ARL8B: variants seen among roughly 807,000 people sequenced by gnomAD.
ARL8B encodes ARF like GTPase 8B.
ARL8B carries 9 observed loss-of-function variants against 30.6 expected under a neutral mutation model. The ratio of observed to expected loss-of-function variants is 0.29; its 90% CI spans 0.18 to 0.51. ARL8B has a LOEUF of 0.51. Among genes scored for constraint, ARL8B ranks in the 20% least tolerant of loss-of-function variants. The probability of loss-of-function intolerance (pLI) is 0.97; values close to 1 mark genes in which losing one functional copy is unlikely to be tolerated. For missense variants in ARL8B, 130 were observed against 227.2 expected (o/e 0.57, Z 2.75); for synonymous variants, 74 against 76.0 (o/e 0.97, Z 0.14).
intron 1 of ARL8B, among the ~76,000 whole-genome samples, chr3:5,126,746 C>T (rs1276080381): frequency 2.6e-5 from 4 of 151,972 alleles, no homozygotes; most frequent in Admixed American, 6.6e-5. Flanking sequence ...AAAGAAACAC[C>T]CTAGTCTTGT....
chr3:5,173,380 CA>C (rs1478966260), intron 4 of ARL8B, among the ~76,000 whole-genome samples: 1 of 152,152 alleles, frequency 6.6e-6, no homozygotes, highest in Non-Finnish European at 1.5e-5. Context: ...AAAAAATTTC[CA>C]AAATTCGAAA....
chr3:5,172,253 T>C, intron 3 of ARL8B, 30 bp downstream of exon 3: 1 of 1,582,248 alleles, frequency 6.3e-7, no homozygotes, highest in South Asian at 1.1e-5. Flanking sequence ...TTGTTTGCTT[T>C]TAAATCAATG....
chr3:5,162,196 A>G (rs745868318), intron 1 of ARL8B, among the ~76,000 whole-genome samples: 2 of 152,236 alleles, frequency 1.3e-5, no homozygotes, highest in Admixed American at 6.5e-5. Context: ...GAGTTCATAA[A>G]TGCATAGTAT....
chr3:5,134,604 T>C (rs1347375763), intron 1 of ARL8B, among the ~76,000 whole-genome samples: 3 of 152,224 alleles, frequency 2.0e-5, no homozygotes, highest in Non-Finnish European at 4.4e-5. Context: ...GGTAAACACG[T>C]AGATAGTGTT....
At chr3:5,135,980 G>T (rs1191567226) in intron 1 of ARL8B, among the ~76,000 whole-genome samples, 1 of 151,218 alleles carries the variant, frequency 6.6e-6, no homozygotes, top group Non-Finnish European at 1.5e-5. Context: ...TAGAGACGGG[G>T]TTTCACCATG....
intron 1 of ARL8B, among the ~76,000 whole-genome samples, chr3:5,135,450 A>T (rs993940438): frequency 6.7e-6 from 1 of 150,192 alleles, no homozygotes; most frequent in Non-Finnish European, 1.5e-5. Flanking sequence ...TGGCTCACTT[A>T]ATTATTACTA....
chr3:5,127,449 G>A lies in ARL8B; in HGVS notation c.123+4861G>A, dbSNP rs891997918. Among the ~76,000 whole-genome samples the A allele has an allele frequency of 3.9e-5, 6 of 152,136 alleles. No individual in the cohort carries two copies. The South Asian group carries it at 1.2e-3, about 31-fold the overall frequency. ...AAGAAATACAGACGTAATGAGTACTGTGTGTCTCTCTAGAGAGAGCATTTT... is the reference window on the plus strand; with the variant it reads ...AAGAAATACAGACGTAATGAGTACTATGTGTCTCTCTAGAGAGAGCATTTT... On this transcript the variant is annotated intron_variant, in intron 1 of 6. Transcript: ENST00000256496.
chr3:5,122,346 C>A lies in ARL8B; in HGVS notation c.-120C>A, dbSNP rs751403663. On this transcript the variant is annotated 5_prime_UTR_variant, in exon 1 of 7. Coordinates refer to ENST00000256496, the MANE Select transcript of ARL8B (RefSeq NM_018184.3). ...CTGCTGCCGCCCGCCGGTGTCCGCC[C>A]GTGTCGCGCCGGGGCACCAAGGAGC... The A allele has an allele frequency of 1.3e-6, 2 of 1,547,876 alleles. No individual in the cohort carries two copies. The highest frequency in any genetic ancestry group is 1.2e-5 in the South Asian group (1 of 84,870).
intron 1 of ARL8B, among the ~76,000 whole-genome samples, chr3:5,136,606 A>G (rs2054327806): frequency 6.6e-6 from 1 of 152,156 alleles, no homozygotes; most frequent in African/African-American, 2.4e-5. Context: ...ACCCTATGTT[A>G]TCTTTCCTAG....
chr3:5,173,970 CT>C, intron 4 of ARL8B, 46 bp from the exon 5 acceptor site: 1 of 1,390,372 alleles, frequency 7.2e-7, no homozygotes, highest in Non-Finnish European at 1.0e-6. Context: ...ACTTCTGTGA[CT>C]TTTTCTTGCA....
chr3:5,125,485 A>C (rs1387944718), intron 1 of ARL8B, among the ~76,000 whole-genome samples: 1 of 151,136 alleles, frequency 6.6e-6, no homozygotes, highest in Non-Finnish European at 1.5e-5. Context: ...ACAACAACAA[A>C]ACTTCTGCAA....
intron 1 of ARL8B, among the ~76,000 whole-genome samples, chr3:5,132,499 A>G (rs536189970): frequency 1.3e-5 from 2 of 152,258 alleles, no homozygotes; most frequent in African/African-American, 2.4e-5. Context: ...TCGGCCTCCC[A>G]AAGTGCTGGG....
chr3:5,130,052 C>A (rs1174466518), intron 1 of ARL8B, among the ~76,000 whole-genome samples: 1 of 151,984 alleles, frequency 6.6e-6, no homozygotes, highest in Non-Finnish European at 1.5e-5. Context: ...TTAGTAGAGA[C>A]AGGGTTTCAC....
rs185284297 is a variant in ARL8B, at chr3:5,151,309, G to A, written c.124-19194G>A. 1.0e-3 allele frequency among the ~76,000 whole-genome samples: 156 copies of A among 152,236 alleles called. 1 individual carries two copies. Among genetic ancestry groups the A allele is most frequent in the African/African-American group, 3.7e-3 (153 of 41,544 alleles). ...ATAAGCATTTGAAGCTGGGCATAGT[G>A]AAGTGTGCCTGTAGTCCCAGCTACT... On this transcript the variant is annotated intron_variant, in intron 1 of 6. Coordinates refer to ENST00000256496, the MANE Select transcript of ARL8B (RefSeq NM_018184.3).
chr3:5,164,391 A>G (rs1160894366), intron 1 of ARL8B, among the ~76,000 whole-genome samples: 1 of 152,234 alleles, frequency 6.6e-6, no homozygotes, highest in African/African-American at 2.4e-5. Context: ...ATGAGGTAGT[A>G]TTTGATTATT....
chr3:5,138,964 A>G (rs2054350070), intron 1 of ARL8B, among the ~76,000 whole-genome samples: 1 of 152,334 alleles, frequency 6.6e-6, no homozygotes, highest in Admixed American at 6.5e-5. Context: ...CTCTGCAGCC[A>G]CACCACTGTA....
intron 1 of ARL8B, among the ~76,000 whole-genome samples, chr3:5,141,826 A>G (rs1256606604): frequency 6.6e-6 from 1 of 152,180 alleles, no homozygotes; most frequent in Non-Finnish European, 1.5e-5. Context: ...CTGGCTAGCC[A>G]TCCCTTTGAG....
intron 1 of ARL8B, among the ~76,000 whole-genome samples, chr3:5,124,411 C>T (rs1371657227): frequency 6.6e-6 from 1 of 151,386 alleles, no homozygotes; most frequent in Non-Finnish European, 1.5e-5. Context: ...TGGCCTAATA[C>T]CACTAAAATT....
chr3:5,173,710 G>A (rs2054698981), intron 4 of ARL8B, among the ~76,000 whole-genome samples: 1 of 145,586 alleles, frequency 6.9e-6, no homozygotes. Context: ...GCGAGACTCT[G>A]TCTCAAACAA....
Sources: gnomAD v4.1 joint callset for allele counts (sites outside exome capture counted in the v4.1 genomes callset) on GRCh38, gnomAD v4.1.1 for gene constraint, MANE v1.5 for transcripts, NCBI Gene and HGNC (gene_info 2026-07-23, HGNC 2026-07-21) for gene names.